Variants in USP4 observed in about 807,000 individuals in gnomAD.
USP4 encodes ubiquitin carboxyl-terminal hydrolase 4.
Under a neutral mutation model 118.2 loss-of-function variants are expected in USP4, and 72 were observed. That is an observed-to-expected ratio of 0.61 (90% confidence interval 0.50 to 0.74). The LOEUF (loss-of-function observed/expected upper bound fraction) is 0.74, where lower values mean the gene tolerates loss of function less well. Among genes scored for constraint, USP4 ranks in the 30% least tolerant of loss-of-function variants. The pLI is 0.00. For missense variants in USP4, 1,037 were observed against 1,185.7 expected (o/e 0.87, Z 1.84); for synonymous variants, 415 against 440.4 (o/e 0.94, Z 0.72).
intron 16 of USP4, 34 bp from the exon 17 acceptor site, chr3:49,284,953 T>C: frequency 3.8e-6 from 6 of 1,577,830 alleles, no homozygotes; most frequent in Non-Finnish European, 5.2e-6. Flanking sequence ...TGTTATGGAA[T>C]GGCAAGCAAC....
Position 49,286,087 on chromosome 3 carries a change from A to G in USP4, c.2200+11T>C. 1 of 1,613,810 alleles carries G rather than the reference A, an allele frequency of 6.2e-7. No individual in the cohort carries two copies. The highest frequency in any genetic ancestry group is 8.5e-7 in the Non-Finnish European group (1 of 1,179,722). On this transcript the variant is annotated intron_variant, in intron 16 of 21. Coordinates refer to ENST00000265560, the MANE Select transcript of USP4 (RefSeq NM_003363.4). ...TAAAGCCCAGCTTGAAAGGTCAGAA[A>G]AAGTGCTTACAGTTGAGTTTAAGTA...
intron 6 of USP4, among the ~76,000 whole-genome samples, chr3:49,315,232 T>C (rs927229298): frequency 1.3e-5 from 2 of 152,054 alleles, no homozygotes; most frequent in East Asian, 3.9e-4. Context: ...CCTGCAGTCC[T>C]AGCTACTCGG....
chr3:49,296,738 T>C (rs545721338), intron 13 of USP4, among the ~76,000 whole-genome samples: 4 of 152,396 alleles, frequency 2.6e-5, no homozygotes, highest in African/African-American at 9.6e-5. Context: ...ATAAAAGAAT[T>C]TGTTTTTCCA....
At chr3:49,294,710 T>G in intron 13 of USP4, 112 bp from the exon 14 acceptor site, 2 of 1,052,394 alleles carry the variant, frequency 1.9e-6, no homozygotes, top group East Asian at 5.1e-5. Flanking sequence ...CAGAGCATAT[T>G]TGAGTAGAAA....
intron 2 of USP4, among the ~76,000 whole-genome samples, chr3:49,331,851 G>A (rs2047620774): frequency 6.6e-6 from 1 of 151,512 alleles, no homozygotes; most frequent in African/African-American, 2.4e-5. Context: ...CTCTGAATCT[G>A]GCCGGACAGA....
intron 19 of USP4, among the ~76,000 whole-genome samples, chr3:49,281,383 G>A (rs1559462928): frequency 6.6e-6 from 1 of 151,848 alleles, no homozygotes; most frequent in South Asian, 2.1e-4. Context: ...GTGAACCCGG[G>A]AGGTGGAGCT....
rs939659187 is a variant in USP4 at position 49,314,707 on chromosome 3, C to T, written c.696-3053G>A. Reference sequence around the variant, plus strand: ...CTTCTCAGTAACTATTCATTGATAACTTATCTATTTTCTTGAGCTTAAAAG... The same window carrying T: ...CTTCTCAGTAACTATTCATTGATAATTTATCTATTTTCTTGAGCTTAAAAG... On this transcript the variant is annotated intron_variant, in intron 6 of 21. Transcript: ENST00000265560. 2.0e-5 allele frequency among the ~76,000 whole-genome samples: 3 copies of T among 152,186 alleles called. No individual in the cohort carries two copies. In the South Asian group the frequency reaches 6.2e-4, roughly 32 times the overall value.
At chr3:49,331,568 C>T (rs967045880) in intron 2 of USP4, among the ~76,000 whole-genome samples, 3 of 152,080 alleles carry the variant, frequency 2.0e-5, no homozygotes, top group Non-Finnish European at 4.4e-5. Context: ...TTGCAGTAAG[C>T]CGAGATTGCA....
intron 6 of USP4, chr3:49,312,685 G>A: frequency 3.1e-6 from 1 of 327,570 alleles, no homozygotes; most frequent in South Asian, 2.4e-5. Flanking sequence ...CCAGCTACTG[G>A]GGAGGCTGAG....
At position 49,278,411 on chromosome 3, in the gene USP4, T is replaced by C. The variant is rs1268881520; in HGVS notation, c.2774A>G (p.Asp925Gly). The change falls in exon 22 of 22, where the codon GAT becomes GGT. Residue 925 changes from aspartate to glycine, a missense_variant. This residue lies in a region of USP4 where 522 missense variants were observed against 592.6 expected (regional missense o/e 0.88). Transcript: ENST00000265560. ...AAGTGAAGGTGTCTTATAAAATTCA[T>C]CATCTCGACGTTGGTAAAATAGCAC... ...AYVLFYQRRD[D>G]EFYKTPSLSS... 1 of 1,614,030 alleles carries C rather than the reference T, an allele frequency of 6.2e-7. No individual in the cohort carries two copies. The highest frequency in any genetic ancestry group is 1.3e-5 in the African/African-American group (1 of 74,910).
rs7374375 is a variant in USP4, at chr3:49,287,022, A to G, written c.1973-697T>C. Among the ~76,000 whole-genome samples the G allele has an allele frequency of 4.1e-3, 628 of 151,680 alleles. 7 individuals are homozygous for G. The highest frequency in any genetic ancestry group is 0.014 in the African/African-American group (561 of 41,310). ...GCGCCACCATGCCCAGCTAATTTTT[A>G]TATCTTTTTAGTAGAGACGGGGTTT... is the stretch of plus-strand genomic sequence containing the variant. On this transcript the variant is annotated intron_variant, in intron 15 of 21. Coordinates refer to ENST00000265560, the MANE Select transcript of USP4 (RefSeq NM_003363.4).
chr3:49,338,371 T>C (rs1359184605), intron 1 of USP4, among the ~76,000 whole-genome samples: 2 of 151,836 alleles, frequency 1.3e-5, no homozygotes, highest in East Asian at 3.9e-4. Flanking sequence ...AAAAAGTACC[T>C]CTGCTAGGCC....
At chr3:49,339,818 T>A (rs2047718468) in intron 1 of USP4, 106 bp downstream of exon 1, 1 of 852,908 alleles carries the variant, frequency 1.2e-6, no homozygotes, top group African/African-American at 1.7e-5. Context: ...TCTTCCAGGG[T>A]CACTACATAC....
chr3:49,325,629 G>A (rs962434742), intron 4 of USP4, 90 bp downstream of exon 4: 32 of 1,536,030 alleles, frequency 2.1e-5, no homozygotes, highest in Non-Finnish European at 2.7e-5. Flanking sequence ...TCTAAAGAGG[G>A]CATATAAAAT....
At chr3:49,285,827 A>G (rs2047085570) in intron 16 of USP4, among the ~76,000 whole-genome samples, 1 of 152,198 alleles carries the variant, frequency 6.6e-6, no homozygotes, top group African/African-American at 2.4e-5. Flanking sequence ...TGGCCACAGG[A>G]AAGGTTATCG....
At chr3:49,333,144 C>CTTTT (rs376262745) in intron 2 of USP4, among the ~76,000 whole-genome samples, 2 of 138,830 alleles carry the variant, frequency 1.4e-5, no homozygotes, top group Admixed American at 7.3e-5. Flanking sequence ...TAGAGTAGCA[C>CTTTT]TTTTTTTTTT....
rs113453502 is a variant in USP4 at position 49,284,825 on chromosome 3, G to A, written c.2271+24C>T. ...AGAGCAGAAACCAGCAGACACCACC[G>A]ACCACGAACCCCGAGGGACCTACCT... On this transcript the variant is annotated intron_variant, in intron 17 of 21. Transcript: ENST00000265560. 31 of 1,610,424 alleles carry A rather than the reference G, an allele frequency of 1.9e-5. 1 individual carries two copies. Among genetic ancestry groups the A allele is most frequent in the South Asian group, 1.3e-4 (12 of 90,848 alleles).
chr3:49,316,846 C>T (rs2047441780), intron 6 of USP4: 3 of 569,972 alleles, frequency 5.3e-6, no homozygotes, highest in Non-Finnish European at 9.4e-6. Flanking sequence ...AGAGACAGGC[C>T]CCTTGCAGAG....
intron 1 of USP4, among the ~76,000 whole-genome samples, chr3:49,338,867 G>A (rs1292253699): frequency 6.6e-6 from 1 of 152,036 alleles, no homozygotes. Flanking sequence ...TAACACTCGG[G>A]CCGAGCACGG....
Sources: gnomAD v4.1 joint callset for allele counts (sites outside exome capture counted in the v4.1 genomes callset) on GRCh38, gnomAD v4.1.1 for gene constraint, gnomAD v4.1.1 regional missense constraint, MANE v1.5 for transcripts, NCBI Gene and HGNC (gene_info 2026-07-23, HGNC 2026-07-21) for gene names.